POGZ: variants seen among roughly 807,000 people sequenced by gnomAD.
POGZ encodes pogo transposable element derived with ZNF domain.
Under a neutral mutation model 134.6 loss-of-function variants are expected in POGZ, and 17 were observed. The ratio of observed to expected loss-of-function variants is 0.13; its 90% confidence interval spans 0.09 to 0.19. The LOEUF (loss-of-function observed/expected upper bound fraction) is 0.19, where lower values mean the gene tolerates loss of function less well. Among genes scored for constraint, POGZ ranks in the 10% least tolerant of loss-of-function variants. The probability of loss-of-function intolerance (pLI) is 1.00; values close to 1 mark genes in which losing one functional copy is unlikely to be tolerated. For missense variants in POGZ, 1,306 were observed against 1,769.7 expected (o/e 0.74, Z 4.70); for synonymous variants, 693 against 657.1 (o/e 1.05, Z -0.84).
chr1:151,446,275 C>T (rs891526202), intron 1 of POGZ, among the ~76,000 whole-genome samples: 4 of 22,058 alleles, frequency 1.8e-4, no homozygotes, highest in Non-Finnish European at 7.2e-4. Context: ...AAAAAAAAAA[C>T]GAATTTTATT....
chr1:151,424,378 G>A (rs1384598485), intron 8 of POGZ, 92 bp from the exon 9 acceptor site: 8 of 799,198 alleles, frequency 1.0e-5, no homozygotes, highest in Non-Finnish European at 1.6e-5. Context: ...TTAACGGTTT[G>A]GTTTCAGGTA....
Position 151,405,007 on chromosome 1 carries a change from G to A in POGZ, c.4028C>T (p.Ala1343Val). The change falls in exon 19 of 19, where the codon GCT (alanine) becomes GTT (valine). Residue 1343 changes from alanine (A) to valine (V), a missense_variant. Physicochemically the swap from Ala to Val is moderately conservative, Grantham distance 64 (BLOSUM62 0). Coordinates refer to ENST00000271715, the MANE Select transcript of POGZ (RefSeq NM_015100.4). This position sits in a 1 kb window ranked among gnomAD's most constrained non-coding sequence, Gnocchi z 4.9. ...DGNINSPTRN[A>V]DMQEELIASL... ...GGCAATTAGCTCCTCCTGCATGTCA[G>A]CATTTCTTGTAGGTGAGTTAATGTT... 1 of 1,614,204 alleles carries A rather than the reference G, an allele frequency of 6.2e-7. No homozygotes were observed. The highest frequency in any genetic ancestry group is 8.5e-7 in the Non-Finnish European group (1 of 1,180,048).
At chr1:151,457,784 G>A (rs1377462965) in intron 1 of POGZ, among the ~76,000 whole-genome samples, 1 of 152,120 alleles carries the variant, frequency 6.6e-6, no homozygotes, top group African/African-American at 2.4e-5. Context: ...AAAATTAGCC[G>A]GGCGTGGTAG....
In POGZ at chr1:151,428,365, A is replaced by G; in HGVS notation, c.617T>C (p.Phe206Ser). The change falls in exon 6 of 19, where the codon TTC becomes TCC. Residue 206 changes from phenylalanine to serine, a missense_variant. This residue lies in a region of POGZ where 541 missense variants were observed against 680.5 expected (regional missense o/e 0.80). Coordinates refer to ENST00000271715, the MANE Select transcript of POGZ (RefSeq NM_015100.4). ...VKPTVGVPQVFSQMTPVRPGS... is the reference protein window; with the variant it reads ...VKPTVGVPQVSSQMTPVRPGS... ...TGGCCTCACAGGGGTCATCTGGGAG[A>G]ACACTTGTGGAACTCCAACTGTCGG... 1 of 1,613,530 alleles carries G rather than the reference A, an allele frequency of 6.2e-7. No homozygotes were observed. Among genetic ancestry groups the G allele is most frequent in the Non-Finnish European group, 8.5e-7 (1 of 1,179,470 alleles).
At chr1:151,448,431 G>C (rs1661570029) in intron 1 of POGZ, among the ~76,000 whole-genome samples, 3 of 152,014 alleles carry the variant, frequency 2.0e-5, no homozygotes, top group Admixed American at 2.0e-4. Context: ...GTGCAACAGA[G>C]AGAGACCTCA....
chr1:151,453,299 T>C (rs1662367419), intron 1 of POGZ, among the ~76,000 whole-genome samples: 1 of 151,976 alleles, frequency 6.6e-6, no homozygotes. Flanking sequence ...TACCTACTCA[T>C]ATCTTAGCTG....
intron 1 of POGZ, among the ~76,000 whole-genome samples, chr1:151,444,435 T>C (rs918730138): frequency 5.3e-5 from 8 of 152,378 alleles, no homozygotes; most frequent in Admixed American, 5.2e-4. Flanking sequence ...TATTCCATTG[T>C]TCTTTGCTGT....
chr1:151,430,598 G>C, intron 4 of POGZ, 68 bp downstream of exon 4: 1 of 1,256,778 alleles, frequency 8.0e-7, no homozygotes, highest in African/African-American at 1.5e-5. Flanking sequence ...AAGACCCTAA[G>C]TCAGAGTTTT....
intron 1 of POGZ, among the ~76,000 whole-genome samples, chr1:151,453,634 T>C (rs1662417264): frequency 6.6e-6 from 1 of 152,174 alleles, no homozygotes; most frequent in Non-Finnish European, 1.5e-5. Context: ...TGTAACATGA[T>C]TTTTTTGTGC....
At chr1:151,436,247 C>T (rs1270394514) in intron 3 of POGZ, among the ~76,000 whole-genome samples, 8 of 152,044 alleles carry the variant, frequency 5.3e-5, no homozygotes, top group African/African-American at 1.9e-4. Context: ...CGTGAGCCAC[C>T]GCGCCTGGCC....
In POGZ at chr1:151,403,442, G is replaced by A. The variant is rs1571312891; in HGVS notation, c.*1360C>T. 1 of 985,270 alleles carries A rather than the reference G, an allele frequency of 1.0e-6. No individual in the cohort carries two copies. Among genetic ancestry groups the A allele is most frequent in the Non-Finnish European group, 1.2e-6 (1 of 829,584 alleles). 61.0% of individuals were successfully genotyped at this position (985,270 alleles called of 1,614,324 possible). A position where few individuals can be genotyped will look rare whatever the true frequency, so the allele number is the denominator to read the frequency against. ...ACAAGCTTGTGCAGTTTGCCTCCTTGGCTCACAGGAGGGGAACATTGTGGA... is the reference window on the plus strand; with the variant it reads ...ACAAGCTTGTGCAGTTTGCCTCCTTAGCTCACAGGAGGGGAACATTGTGGA... On this transcript the variant is annotated 3_prime_UTR_variant, in exon 19 of 19. Transcript: ENST00000271715.
In POGZ at chr1:151,406,271, T is replaced by C. The variant is rs771861167; in HGVS notation, c.2764A>G (p.Thr922Ala). Residue 922 changes from threonine (T) to alanine (A), a missense_variant, in exon 19 of 19, where the codon ACT (threonine) becomes GCT (alanine). This residue lies in a region of POGZ where 214 missense variants were observed against 255.5 expected (regional missense o/e 0.84). Transcript: ENST00000271715. ...GGAAGGGCTAAAGCCTGCGGGTGAG[T>C]GGGGGTTGGTGGTGGGGTTGCAGTT... ...ASTATPPPTP[T>A]HPQALALPPL... is the part of the protein sequence containing the mutation. 6.2e-7 allele frequency: 1 copy of C among 1,611,752 alleles called. No individual in the cohort carries two copies. Among genetic ancestry groups the C allele is most frequent in the East Asian group, 2.2e-5 (1 of 44,822 alleles).
In POGZ at chr1:151,408,448, G is replaced by T; in HGVS notation, c.2195C>A (p.Pro732His). Reference sequence around the variant, plus strand: ...TCTCTTCTGGATGCTGCGCTGGACAGGGGGATAAAGGAAGACAGGCAGAGG... The same window carrying T: ...TCTCTTCTGGATGCTGCGCTGGACATGGGGATAAAGGAAGACAGGCAGAGG... ...MDPLPVFLYP[P>H]VQRSIQKRAV... Residue 732 changes from proline (P) to histidine (H), a missense_variant, in exon 14 of 19, where the codon CCT becomes CAT. Physicochemically the swap from Pro to His is moderately conservative, Grantham distance 77. This residue lies in a region of POGZ where 149 missense variants were observed against 237.5 expected (regional missense o/e 0.63). Coordinates refer to ENST00000271715, the MANE Select transcript of POGZ (RefSeq NM_015100.4). The T allele has an allele frequency of 1.3e-6, 2 of 1,594,396 alleles. No individual in the cohort carries two copies. The highest frequency in any genetic ancestry group is 1.7e-6 in the Non-Finnish European group (2 of 1,175,126).
intron 10 of POGZ, among the ~76,000 whole-genome samples, chr1:151,414,312 G>GT (rs1655243395): frequency 6.6e-6 from 1 of 152,102 alleles, no homozygotes; most frequent in Non-Finnish European, 1.5e-5. Context: ...TTCTCTTCTA[G>GT]AACACCTTTA....
At position 151,427,855 on chromosome 1, in the gene POGZ, T is replaced by C. The variant is rs770731194; in HGVS notation, c.1046A>G (p.Gln349Arg). The C allele has an allele frequency of 1.2e-6, 2 of 1,613,834 alleles. No individual in the cohort carries two copies. Among genetic ancestry groups the C allele is most frequent in the Admixed American group, 1.7e-5 (1 of 60,022 alleles). ...VSNNSSAHGS[Q>R]RTSGPESSMK... ...TGAAGACTCAGGTCCGCTGGTTCTT[T>C]GAGAGCCATGAGCAGAGCTGTTGTT... The change falls in exon 7 of 19, where the codon CAA becomes CGA. Residue 349 changes from glutamine (Q) to arginine (R), a missense_variant. This residue lies in a region of POGZ where 541 missense variants were observed against 680.5 expected (regional missense o/e 0.80). Transcript: ENST00000271715.
At chr1:151,422,369 C>T (rs1244997026) in intron 10 of POGZ, among the ~76,000 whole-genome samples, 7 of 152,096 alleles carry the variant, frequency 4.6e-5, no homozygotes, top group Admixed American at 2.6e-4. Flanking sequence ...CTGGAAATCC[C>T]GTAAAGGACA....
chr1:151,444,847 A>G (rs533066599), intron 1 of POGZ, among the ~76,000 whole-genome samples: 59 of 152,262 alleles, frequency 3.9e-4, no homozygotes, highest in African/African-American at 1.4e-3. Flanking sequence ...GCAAGACTCC[A>G]TCTCTACAAA....
At chr1:151,449,740 C>CA (rs1433635428) in intron 1 of POGZ, among the ~76,000 whole-genome samples, 1 of 151,828 alleles carries the variant, frequency 6.6e-6, no homozygotes, top group African/African-American at 2.4e-5. Flanking sequence ...ATTAAAAATA[C>CA]AAAAAATTAG....
chr1:151,458,878 C>T (rs1232439355), intron 1 of POGZ, among the ~76,000 whole-genome samples: 2 of 145,382 alleles, frequency 1.4e-5, no homozygotes, highest in Non-Finnish European at 3.0e-5. Context: ...GCAGGGACCT[C>T]CGCCGCCGGC....
Sources: allele counts gnomAD v4.1 joint callset (sites outside exome capture counted in the v4.1 genomes callset), GRCh38; gene constraint gnomAD v4.1.1; regional missense constraint gnomAD v4.1.1; non-coding constraint Gnocchi (gnomAD v3.1); transcripts MANE v1.5; gene names NCBI Gene and HGNC (gene_info 2026-07-23, HGNC 2026-07-21).